Variants in LGR5 observed in about 807,000 individuals in gnomAD.
LGR5 encodes the protein leucine rich repeat containing G protein-coupled receptor 5.
LGR5 carries 54 observed loss-of-function variants against 76.7 expected under a neutral mutation model. The observed-to-expected ratio is 0.70, with a 90% CI of 0.57 to 0.88. The LOEUF (loss-of-function observed/expected upper bound fraction) is 0.88. LGR5 is among the 40% of genes least tolerant of loss of function. The pLI, the probability that LGR5 is intolerant of heterozygous loss-of-function variation, is 0.00. For synonymous variants in LGR5, 406 were observed against 421.9 expected (o/e 0.96, Z 0.46); for missense variants, 1,078 against 1,073.3 (o/e 1.00, Z -0.06).
In LGR5 at chr12:71,553,845, C is replaced by T. The variant is rs190229677; in HGVS notation, c.644+557C>T. Among the ~76,000 whole-genome samples the T allele has an allele frequency of 2.1e-3, 319 of 152,322 alleles. 3 individuals are homozygous for T. The highest frequency in any genetic ancestry group is 7.3e-3 in the African/African-American group (305 of 41,564). Reference sequence around the variant, plus strand: ...GTGGCTCATACCTGTAATCCCAGCACTTTGCGAAGCCAAGGCGGGTGTATC... The same window carrying T: ...GTGGCTCATACCTGTAATCCCAGCATTTTGCGAAGCCAAGGCGGGTGTATC... On this transcript the variant is annotated intron_variant, in intron 5 of 17. Transcript: ENST00000266674.
chr12:71,577,028 G>A (rs1453445224), intron 13 of LGR5, among the ~76,000 whole-genome samples: 1 of 152,104 alleles, frequency 6.6e-6, no homozygotes, highest in African/African-American at 2.4e-5. Context: ...GGTCCCTAAG[G>A]AACCTTTCAA....
rs1444203262 is a variant in LGR5 at position 71,440,127 on chromosome 12, T to C, written c.47T>C (p.Leu16Pro). ...GTGCTCCTGTCCTTGCCTGTGCTGC[T>C]GCAGCTGGCGACCGGGGGCAGCTCT... ...LGVLLSLPVL[L>P]QLATGGSSPR... Residue 16 changes from leucine (L) to proline (P), a missense_variant, in exon 1 of 18, where the codon CTG (leucine) becomes CCG (proline). Physicochemically the swap from Leu to Pro is moderately conservative, Grantham distance 98. Coordinates refer to ENST00000266674, the MANE Select transcript of LGR5 (RefSeq NM_003667.4). This position sits in a 1 kb window ranked among gnomAD's most constrained non-coding sequence, Gnocchi z 5.3. 1 of 1,608,562 alleles carries C rather than the reference T, an allele frequency of 6.2e-7. No individual in the cohort carries two copies. Among genetic ancestry groups the C allele is most frequent in the East Asian group, 2.2e-5 (1 of 44,834 alleles).
chr12:71,451,524 T>A (rs1872249372), intron 1 of LGR5, among the ~76,000 whole-genome samples: 1 of 152,106 alleles, frequency 6.6e-6, no homozygotes, highest in Admixed American at 6.6e-5. Flanking sequence ...CCTCTATGAG[T>A]CTTTCCATAC....
intron 2 of LGR5, among the ~76,000 whole-genome samples, chr12:71,509,193 C>T (rs1277630168): frequency 1.3e-5 from 2 of 152,148 alleles, no homozygotes; most frequent in Non-Finnish European, 2.9e-5. Context: ...ACTTAATGCT[C>T]ACTAGGCCTC....
At chr12:71,489,997 G>A (rs1488113985) in intron 1 of LGR5, among the ~76,000 whole-genome samples, 1 of 152,136 alleles carries the variant, frequency 6.6e-6, no homozygotes, top group African/African-American at 2.4e-5. Context: ...TATAGGAATG[G>A]TGGCACATGC....
At chr12:71,576,403 A>G (rs1878857746) in intron 13 of LGR5, among the ~76,000 whole-genome samples, 1 of 152,168 alleles carries the variant, frequency 6.6e-6, no homozygotes, top group African/African-American at 2.4e-5. Flanking sequence ...GAGCTTAAGC[A>G]TGGAGAAGTG....
At chr12:71,535,865 C>G (rs891060418) in intron 4 of LGR5, among the ~76,000 whole-genome samples, 3 of 152,174 alleles carry the variant, frequency 2.0e-5, no homozygotes, top group Admixed American at 6.5e-5. Flanking sequence ...TTCCTACCCC[C>G]CTACACACAC....
chr12:71,518,610 A>G (rs1875564489), intron 2 of LGR5, among the ~76,000 whole-genome samples: 1 of 152,228 alleles, frequency 6.6e-6, no homozygotes, highest in Admixed American at 6.5e-5. Flanking sequence ...AATCCCCATC[A>G]GAGGTAGACT....
At chr12:71,461,557 T>C (rs1344018752) in intron 1 of LGR5, among the ~76,000 whole-genome samples, 1 of 152,182 alleles carries the variant, frequency 6.6e-6, no homozygotes, top group South Asian at 2.1e-4. Context: ...ATATTTTCTA[T>C]TGGGGGAATG....
intron 1 of LGR5, among the ~76,000 whole-genome samples, chr12:71,501,496 T>C (rs912994721): frequency 2.0e-5 from 3 of 152,142 alleles, no homozygotes; most frequent in Middle Eastern, 3.2e-3. Flanking sequence ...ATTCTATCAT[T>C]GGTAAGTCAA....
At chr12:71,489,933 C>T (rs979596505) in intron 1 of LGR5, among the ~76,000 whole-genome samples, 1 of 152,008 alleles carries the variant, frequency 6.6e-6, no homozygotes, top group South Asian at 2.1e-4. Context: ...GAAAATTAGA[C>T]AGGTCATGGA....
chr12:71,513,365 T>G (rs1344985130), intron 2 of LGR5, among the ~76,000 whole-genome samples: 1 of 152,210 alleles, frequency 6.6e-6, no homozygotes, highest in Non-Finnish European at 1.5e-5. Flanking sequence ...AGCCAATGCC[T>G]CAAGTGATAC....
chr12:71,451,670 C>T (rs1354271752), intron 1 of LGR5, among the ~76,000 whole-genome samples: 1 of 152,204 alleles, frequency 6.6e-6, no homozygotes. Flanking sequence ...ATTTCATCTA[C>T]TTGTCCGTTT....
intron 1 of LGR5, among the ~76,000 whole-genome samples, chr12:71,483,605 C>G (rs1873702290): frequency 6.6e-6 from 1 of 152,186 alleles, no homozygotes; most frequent in Non-Finnish European, 1.5e-5. Flanking sequence ...AGGGGCTGGC[C>G]TCACAAGCCT....
chr12:71,526,699 G>A (rs886439462), intron 3 of LGR5, among the ~76,000 whole-genome samples: 4 of 152,190 alleles, frequency 2.6e-5, no homozygotes, highest in Admixed American at 2.6e-4. Context: ...TTTGTGGAAA[G>A]TGTATCTAGA....
At chr12:71,508,516 G>A (rs372892157) in intron 2 of LGR5, among the ~76,000 whole-genome samples, 1 of 152,062 alleles carries the variant, frequency 6.6e-6, no homozygotes, top group East Asian at 1.9e-4. Flanking sequence ...AGCACTTTGG[G>A]AGGCCAAGGT....
rs1339640060 is a variant in LGR5, at chr12:71,520,984, A to AGTGG, written c.285-3422_285-3421insGTGG. 1.2e-4 allele frequency among the ~76,000 whole-genome samples: 18 copies of AGTGG among 152,348 alleles called. No individual in the cohort carries two copies. In the South Asian group the frequency reaches 2.5e-3, roughly 21 times the overall value. On this transcript the variant is annotated intron_variant, in intron 2 of 17. Transcript: ENST00000266674. ...AATATTGTTTCACGTATATTTTACC[A>AGTGG]CAGTAAAAATATGCATAGCCAAGAC...
At chr12:71,503,218 CA>C (rs200415222) in intron 1 of LGR5, among the ~76,000 whole-genome samples, 8,416 of 151,494 alleles carry the variant, frequency 0.056, 224 homozygotes, top group Middle Eastern at 0.085. Context: ...GAATGTTTGC[CA>C]AAAAAAATGA....
intron 12 of LGR5, among the ~76,000 whole-genome samples, chr12:71,572,500 A>G (rs577070032): frequency 1.3e-5 from 2 of 152,198 alleles, no homozygotes; most frequent in South Asian, 2.1e-4. Context: ...AAACAAAGCA[A>G]ATCCATCTGT....
Sources: allele counts gnomAD v4.1 joint callset (sites outside exome capture counted in the v4.1 genomes callset), GRCh38; gene constraint gnomAD v4.1.1; non-coding constraint Gnocchi (gnomAD v3.1); transcripts MANE v1.5; gene names NCBI Gene and HGNC (gene_info 2026-07-23, HGNC 2026-07-21).